Variants in CHD1L observed in about 807,000 individuals in gnomAD.
The protein encoded by CHD1L is chromodomain helicase DNA binding protein 1 like.
Under a neutral mutation model 115.9 loss-of-function variants are expected in CHD1L, and 118 were observed. The observed-to-expected ratio is 1.02, with a 90% CI of 0.88 to 1.19. CHD1L has a LOEUF of 1.19. CHD1L is among the 50% of genes most tolerant of loss of function. The pLI, the probability that CHD1L is intolerant of heterozygous loss-of-function variation, is 0.00. For missense variants in CHD1L, 1,179 were observed against 1,065.3 expected (o/e 1.11, Z -1.49); for synonymous variants, 411 against 387.1 (o/e 1.06, Z -0.72).
chr1:147,280,172 C>G lies in CHD1L; in HGVS notation c.1686C>G (p.Ser562Arg). The G allele has an allele frequency of 6.2e-7, 1 of 1,604,752 alleles. No individual in the cohort carries two copies. The highest frequency in any genetic ancestry group is 8.5e-7 in the Non-Finnish European group (1 of 1,176,048). ...SDALPAAEGG[S>R]RDQEEGKNHM... ...CCTTGCCTGCAGCAGAAGGAGGGAG[C>G]AGAGATCAAGAGGAAGGAAGTAAGT... The change falls in exon 15 of 23, where the codon AGC becomes AGG. Residue 562 changes from serine (S) to arginine (R), a missense_variant. By Grantham distance (110) the Ser-to-Arg change is moderately radical. Coordinates refer to ENST00000369258, the MANE Select transcript of CHD1L (RefSeq NM_004284.6).
the CHD1L span, chr1:147,190,281 A>G: frequency 2.3e-6 from 3 of 1,299,012 alleles, no homozygotes; most frequent in Non-Finnish European, 3.3e-6. Context: ...TTAACTGTAA[A>G]ATTACCTCAG....
At chr1:147,262,943 A>T (rs17356184) in intron 6 of CHD1L, among the ~76,000 whole-genome samples, 27,001 of 152,050 alleles carry the variant, frequency 0.18, 3,059 homozygotes, top group Middle Eastern at 0.26. Flanking sequence ...TGCTGTGTGT[A>T]TACATTCAAA....
the CHD1L span, chr1:147,186,425 T>C: frequency 2.0e-5 from 18 of 907,896 alleles, no homozygotes; most frequent in Non-Finnish European, 1.3e-6. Flanking sequence ...GAACATTATT[T>C]CTCTTATCTC....
At chr1:147,252,305 C>T (rs1668646289) in intron 1 of CHD1L, among the ~76,000 whole-genome samples, 2 of 152,168 alleles carry the variant, frequency 1.3e-5, no homozygotes, top group Admixed American at 1.3e-4. Context: ...TGCCTCATTT[C>T]CCAGAATGGA....
In CHD1L at chr1:147,264,579, A is replaced by C; in HGVS notation, c.734A>C (p.Glu245Ala). 1.2e-6 allele frequency: 2 copies of C among 1,612,846 alleles called. No homozygotes were observed. Among genetic ancestry groups the C allele is most frequent in the South Asian group, 2.2e-5 (2 of 90,780 alleles). Residue 245 changes from glutamate to alanine, a missense_variant, in exon 7 of 23, where the codon GAG becomes GCG. Glu to Ala is a moderately radical substitution (Grantham distance 107). Transcript: ENST00000369258. ...QRYQDIEKESESASELHKLLQ... is the reference protein window; with the variant it reads ...QRYQDIEKESASASELHKLLQ... Reference sequence around the variant, plus strand: ...TACCAGGATATTGAGAAAGAATCTGAGTCAGGCAAGTTCCTTTCCTGCAAA... The same window carrying C: ...TACCAGGATATTGAGAAAGAATCTGCGTCAGGCAAGTTCCTTTCCTGCAAA...
chr1:147,276,318 T>C (rs1678460316), intron 14 of CHD1L, 61 bp downstream of exon 14: 3 of 1,552,992 alleles, frequency 1.9e-6, no homozygotes, highest in Non-Finnish European at 2.6e-6. Flanking sequence ...TGGAGGAGAA[T>C]GTAAATGAAA....
intron 18 of CHD1L, 127 bp from the exon 19 acceptor site, chr1:147,287,503 GAGATA>G (rs1388350078): frequency 6.5e-6 from 4 of 614,878 alleles, no homozygotes; most frequent in African/African-American, 5.6e-5. Flanking sequence ...ATATTCCTAG[GAGATA>G]AGATATTTTG....
At chr1:147,178,144 G>A in the CHD1L span, 3 of 1,606,346 alleles carry the variant, frequency 1.9e-6, no homozygotes, top group Admixed American at 5.0e-5. Flanking sequence ...GCTGTTCCCG[G>A]GCGTGGCGCT....
At chr1:147,175,250 CAT>C in the CHD1L span, 4 of 152,150 alleles carry the variant, frequency 2.6e-5, no homozygotes, top group East Asian at 5.8e-4. Context: ...ATCCGAGTGA[CAT>C]AAAAACAAGT....
At chr1:147,202,342 G>A in the CHD1L span, among the ~76,000 whole-genome samples, 4,762 of 9,556 alleles carry the variant, frequency 0.5, 201 homozygotes, top group South Asian at 0.53. Context: ...TTTTGAGACA[G>A]AGTCTCTACT....
At chr1:147,263,990 A>G (rs940729859) in intron 6 of CHD1L, among the ~76,000 whole-genome samples, 2 of 152,202 alleles carry the variant, frequency 1.3e-5, no homozygotes, top group Admixed American at 6.5e-5. Flanking sequence ...TATTGCTTGC[A>G]GTGGTGGGGC....
At chr1:147,259,767 A>G (rs1671291162) in intron 5 of CHD1L, 70 bp from the exon 6 acceptor site, 3 of 1,305,882 alleles carry the variant, frequency 2.3e-6, no homozygotes, top group Non-Finnish European at 3.3e-6. Flanking sequence ...ACAGTTTTGT[A>G]GTAAGACTTT....
chr1:147,259,751 A>G (rs1205778850), intron 5 of CHD1L, 86 bp from the exon 6 acceptor site: 1 of 1,150,802 alleles, frequency 8.7e-7, no homozygotes, highest in Non-Finnish European at 1.3e-6. Flanking sequence ...CTTTTTAATA[A>G]CAGTCACAGT....
the CHD1L span, among the ~76,000 whole-genome samples, chr1:147,201,941 A>G: frequency 2.0e-5 from 3 of 152,312 alleles, no homozygotes; most frequent in Non-Finnish European, 4.4e-5. Context: ...TGTATGATAA[A>G]TTACATGTAT....
chr1:147,261,620 C>T (rs587633379), intron 6 of CHD1L, among the ~76,000 whole-genome samples: 7 of 152,024 alleles, frequency 4.6e-5, no homozygotes, highest in Non-Finnish European at 7.4e-5. Flanking sequence ...TAATTTAAAA[C>T]GGGAGGAGAG....
At chr1:147,203,190 G>T in the CHD1L span, 2 of 662,996 alleles carry the variant, frequency 3.0e-6, no homozygotes, top group Non-Finnish European at 5.1e-6. Flanking sequence ...ACCTCTTAAT[G>T]TAAGGAGAAT....
chr1:147,275,737 T>C (rs1678145907), intron 13 of CHD1L, among the ~76,000 whole-genome samples: 2 of 148,280 alleles, frequency 1.3e-5, no homozygotes, highest in African/African-American at 5.0e-5. Context: ...TGAGTTAGGG[T>C]CTGACTCAGT....
the CHD1L span, among the ~76,000 whole-genome samples, chr1:147,176,801 C>T: frequency 6.6e-6 from 1 of 151,956 alleles, no homozygotes; most frequent in South Asian, 2.1e-4. Flanking sequence ...TGATGTAGGG[C>T]AAGTACTTTT....
At chr1:147,266,253 A>G (rs1673874778) in intron 8 of CHD1L, among the ~76,000 whole-genome samples, 166 bp downstream of exon 8, 1 of 152,180 alleles carries the variant, frequency 6.6e-6, no homozygotes, top group Non-Finnish European at 1.5e-5. Flanking sequence ...AGAGCATCTT[A>G]AAGATAACAG....
Sources: gnomAD v4.1 joint callset for allele counts (sites outside exome capture counted in the v4.1 genomes callset) on GRCh38, gnomAD v4.1.1 for gene constraint, MANE v1.5 for transcripts, NCBI Gene and HGNC (gene_info 2026-07-23, HGNC 2026-07-21) for gene names.